Variants in OR8G5 observed in about 807,000 individuals in gnomAD.
OR8G5 encodes olfactory receptor 8G5.
For missense variants in OR8G5, 347 were observed against 371.9 expected (o/e 0.93, Z 0.55); for synonymous variants, 147 against 147.7 (o/e 1.00, Z 0.03).
At chr11:124,261,831 G>C (rs1861974285) in intron 1 of OR8G5, among the ~76,000 whole-genome samples, 1 of 151,930 alleles carries the variant, frequency 6.6e-6, no homozygotes, top group Non-Finnish European at 1.5e-5. Flanking sequence ...TTCAGAGTAT[G>C]TTTGTTAGCT....
chr11:124,260,556 A>G (rs1282032281), intron 1 of OR8G5, among the ~76,000 whole-genome samples: 6 of 151,888 alleles, frequency 4.0e-5, no homozygotes, highest in Non-Finnish European at 7.4e-5. Context: ...CATATCGATC[A>G]TCTGTTTAGA....
rs754424917 is a variant in OR8G5, at chr11:124,265,301, G to A, written c.370G>A (p.Val124Met). The A allele has an allele frequency of 5.1e-5, 82 of 1,613,854 alleles. No individual in the cohort carries two copies. The highest frequency in any genetic ancestry group is 2.4e-4 in the East Asian group (11 of 44,900). Reference sequence around the variant, plus strand: ...GGCTGCAATGGCATATGACGGCTACGTGGCCATCTGTAGCCCCTTGCTGTA... The same window carrying A: ...GGCTGCAATGGCATATGACGGCTACATGGCCATCTGTAGCCCCTTGCTGTA... Reference protein sequence around the residue: ...MLAAMAYDGYVAICSPLLYSI... With the variant: ...MLAAMAYDGYMAICSPLLYSI... Residue 124 changes from valine (V) to methionine (M), a missense_variant, in exon 2 of 2, where the codon GTG becomes ATG. By Grantham distance (21) the Val-to-Met change is conservative. Transcript: ENST00000641992.
chr11:124,259,609 A>C (rs2137757532), intron 1 of OR8G5, among the ~76,000 whole-genome samples: 1 of 152,190 alleles, frequency 6.6e-6, no homozygotes, highest in Admixed American at 6.5e-5. Flanking sequence ...TGATTCTGGA[A>C]CGTTTGTTTT....
At chr11:124,257,745 T>G (rs973004833) in intron 1 of OR8G5, among the ~76,000 whole-genome samples, 4 of 152,146 alleles carry the variant, frequency 2.6e-5, no homozygotes, top group African/African-American at 4.8e-5. Flanking sequence ...TTAAGACAAC[T>G]GCATTTCTTT....
intron 1 of OR8G5, among the ~76,000 whole-genome samples, chr11:124,257,384 A>G (rs1444125836): frequency 1.3e-5 from 2 of 152,184 alleles, no homozygotes; most frequent in Non-Finnish European, 2.9e-5. Flanking sequence ...TTTAATGTGT[A>G]TATACATGGA....
At chr11:124,262,699 A>ACACACC (rs1158969196) in intron 1 of OR8G5, among the ~76,000 whole-genome samples, 1 of 151,480 alleles carries the variant, frequency 6.6e-6, no homozygotes, top group Non-Finnish European at 1.5e-5. Flanking sequence ...ATACACACAC[A>ACACACC]CCACAACTCA....
intron 1 of OR8G5, among the ~76,000 whole-genome samples, chr11:124,262,509 GGTCT>G (rs1299033311): frequency 4.6e-5 from 7 of 150,852 alleles, no homozygotes; most frequent in African/African-American, 1.7e-4. Flanking sequence ...AAATCCTGTA[GGTCT>G]AGAGAGCTAC....
At chr11:124,260,998 A>G (rs1861965535) in intron 1 of OR8G5, among the ~76,000 whole-genome samples, 2 of 120,576 alleles carry the variant, frequency 1.7e-5, no homozygotes. Context: ...CTTTCCAGCC[A>G]CCAGTGACTG....
chr11:124,260,552 G>A (rs2512184), intron 1 of OR8G5, among the ~76,000 whole-genome samples: 73,111 of 151,398 alleles, frequency 0.48, 18,409 homozygotes, highest in East Asian at 0.59. Flanking sequence ...TAAACATATC[G>A]ATCATCTGTT....
chr11:124,257,101 G>A (rs1223205325), intron 1 of OR8G5, among the ~76,000 whole-genome samples: 2 of 152,214 alleles, frequency 1.3e-5, no homozygotes, highest in Non-Finnish European at 2.9e-5. Context: ...ACTGAATGAA[G>A]CCAAATATTT....
chr11:124,258,595 AAG>A (rs1861934842), intron 1 of OR8G5, among the ~76,000 whole-genome samples: 1 of 151,638 alleles, frequency 6.6e-6, no homozygotes, highest in Non-Finnish European at 1.5e-5. Context: ...AATAATAAAA[AAG>A]ACATTCATAA....
rs186415497 is a variant in OR8G5 at position 124,263,360 on chromosome 11, T to A, written c.-14-1558T>A. Among the ~76,000 whole-genome samples, 3 of 152,308 alleles carry A rather than the reference T, an allele frequency of 2.0e-5. No individual in the cohort carries two copies. In the East Asian group the frequency reaches 5.8e-4, roughly 29 times the overall value. On this transcript the variant is annotated intron_variant, in intron 1 of 1. Coordinates refer to ENST00000641992, the MANE Select transcript of OR8G5 (RefSeq NM_001005198.2). Reference sequence around the variant, plus strand: ...GCTTTTTAAAAAATATTTTATTTTTTATTATACTTTAAGCTTTAGGGTACG... The same window carrying A: ...GCTTTTTAAAAAATATTTTATTTTTAATTATACTTTAAGCTTTAGGGTACG...
chr11:124,265,702 C>T lies in OR8G5; in HGVS notation c.771C>T (p.Phe257=). 2 of 1,614,044 alleles carry T rather than the reference C, an allele frequency of 1.2e-6. No individual in the cohort carries two copies. Among genetic ancestry groups the T allele is most frequent in the Non-Finnish European group, 1.7e-6 (2 of 1,179,926 alleles). The change falls in exon 2 of 2, where the codon TTC becomes TTT. Residue 257 remains phenylalanine, a synonymous_variant. Coordinates refer to ENST00000641992, the MANE Select transcript of OR8G5 (RefSeq NM_001005198.2). ...CTGTTTTCTTTGGGTCTGCAGCATTCATGTACCTGCAGCCATCATCTGTCA... is the reference window on the plus strand; with the variant it reads ...CTGTTTTCTTTGGGTCTGCAGCATTTATGTACCTGCAGCCATCATCTGTCA... The part of the protein sequence containing the change: ...AVSVFFGSAA[F]MYLQPSSVSS...
chr11:124,263,617 C>T (rs1258340587), intron 1 of OR8G5, among the ~76,000 whole-genome samples: 2 of 150,298 alleles, frequency 1.3e-5, no homozygotes, highest in East Asian at 2.0e-4. Flanking sequence ...TTTGTCCTTG[C>T]GATAGTTTGC....
At chr11:124,264,146 T>A (rs1445697962) in intron 1 of OR8G5, among the ~76,000 whole-genome samples, 1 of 42,236 alleles carries the variant, frequency 2.4e-5, no homozygotes, top group Non-Finnish European at 7.1e-5. Context: ...TATTAATAGG[T>A]TAATAATGTT....
At chr11:124,259,157 G>A (rs557711519) in intron 1 of OR8G5, among the ~76,000 whole-genome samples, 31 of 110,466 alleles carry the variant, frequency 2.8e-4, no homozygotes, top group African/African-American at 8.6e-4. Context: ...AGTGTCATTT[G>A]TGTGTTTTTA....
In OR8G5 at chr11:124,265,602, G is replaced by T. The variant is rs775795686; in HGVS notation, c.671G>T (p.Ser224Ile). 6 of 1,613,750 alleles carry T rather than the reference G, an allele frequency of 3.7e-6. No homozygotes were observed. Residue 224 changes from serine to isoleucine, a missense_variant, in exon 2 of 2, where the codon AGC becomes ATC. Coordinates refer to ENST00000641992, the MANE Select transcript of OR8G5 (RefSeq NM_001005198.2). The stretch of plus-strand genomic sequence containing the variant: ...AGCTCTTACATCTTCATCATTGCCA[G>T]CATCCTCCGCATTCGCTACACTGAG... ...ILSSYIFIIA[S>I]ILRIRYTEGR...
At chr11:124,261,181 T>TATCC (rs1277092550) in intron 1 of OR8G5, among the ~76,000 whole-genome samples, 3 of 151,644 alleles carry the variant, frequency 2.0e-5, no homozygotes, top group Non-Finnish European at 4.4e-5. Flanking sequence ...ACATTTCCTT[T>TATCC]ATCCATCCAT....
chr11:124,265,596 T>C lies in OR8G5; in HGVS notation c.665T>C (p.Ile222Thr). Residue 222 changes from isoleucine to threonine, a missense_variant, in exon 2 of 2, where the codon ATT becomes ACT. Transcript: ENST00000641992. ...LTILSSYIFI[I>T]ASILRIRYTE... is the part of the protein sequence containing the mutation. ...ATCCTCAGCTCTTACATCTTCATCA[T>C]TGCCAGCATCCTCCGCATTCGCTAC... 1.2e-6 allele frequency: 2 copies of C among 1,613,924 alleles called. No individual in the cohort carries two copies. The highest frequency in any genetic ancestry group is 1.7e-6 in the Non-Finnish European group (2 of 1,179,866).
Sources: allele counts gnomAD v4.1 joint callset (sites outside exome capture counted in the v4.1 genomes callset), GRCh38; gene constraint gnomAD v4.1.1; transcripts MANE v1.5; gene names NCBI Gene and HGNC (gene_info 2026-07-23, HGNC 2026-07-21).